The following DLG2 variants were observed in gnomAD, a reference collection of about 807,000 sequenced individuals.
The protein encoded by DLG2 is discs large MAGUK scaffold protein 2, also known as disks large homolog 2.
Under a neutral mutation model 132.5 loss-of-function variants are expected in DLG2, and 45 were observed. The observed-to-expected ratio is 0.34, with a 90% CI of 0.27 to 0.44. The LOEUF is 0.44. DLG2 is among the 20% of genes least tolerant of loss of function. The pLI is 1.00. For missense variants in DLG2, 1,045 were observed against 1,196.9 expected, an observed-to-expected ratio of 0.87 and a Z score of 1.87; for synonymous variants, 424 against 419.6, an observed-to-expected ratio of 1.01 and a Z score of -0.13.
At chr11:84,680,010 G>C (rs1236805069) in intron 6 of DLG2, among the ~76,000 whole-genome samples, 1 of 152,068 alleles carries the variant, frequency 6.6e-6, no homozygotes, top group Non-Finnish European at 1.5e-5. Flanking sequence ...AGCATAGTTT[G>C]GTCATCCAGT....
intron 7 of DLG2, among the ~76,000 whole-genome samples, chr11:84,469,373 T>G (rs1308698000): frequency 6.6e-6 from 1 of 151,578 alleles, no homozygotes; most frequent in Non-Finnish European, 1.5e-5. Flanking sequence ...AACATTAGGC[T>G]GATGGCACAG....
intron 7 of DLG2, among the ~76,000 whole-genome samples, chr11:84,482,891 T>G (rs1245875835): frequency 6.6e-6 from 1 of 152,140 alleles, no homozygotes; most frequent in East Asian, 1.9e-4. Context: ...ATTAAATGAG[T>G]AAATTCCTTC....
intron 6 of DLG2, among the ~76,000 whole-genome samples, chr11:84,748,805 A>G (rs1360197054): frequency 6.6e-6 from 1 of 152,170 alleles, no homozygotes; most frequent in Non-Finnish European, 1.5e-5. Context: ...TAAGAAGGCT[A>G]TGAGAGGTTA....
intron 9 of DLG2, among the ~76,000 whole-genome samples, chr11:84,134,620 A>C (rs1464317898): frequency 6.6e-6 from 1 of 151,914 alleles, no homozygotes; most frequent in Non-Finnish European, 1.5e-5. Context: ...AAAGATTTGA[A>C]GGTCTCTCCT....
chr11:84,917,829 C>A (rs1285951050), intron 6 of DLG2, among the ~76,000 whole-genome samples: 3 of 152,002 alleles, frequency 2.0e-5, no homozygotes, highest in Admixed American at 2.0e-4. Context: ...CCAAATGGCT[C>A]ACAACCATTT....
At chr11:85,204,673 A>C (rs1165736715) in intron 4 of DLG2, among the ~76,000 whole-genome samples, 1 of 151,946 alleles carries the variant, frequency 6.6e-6, no homozygotes, top group African/African-American at 2.4e-5. Context: ...TCACATAAAC[A>C]GAAAAAAAAA....
chr11:85,466,688 T>C (rs997713005), intron 3 of DLG2, among the ~76,000 whole-genome samples: 2 of 152,224 alleles, frequency 1.3e-5, no homozygotes, highest in African/African-American at 2.4e-5. Flanking sequence ...TTGGTACCAG[T>C]AGCATGCTGT....
At chr11:85,480,150 C>A (rs540136917) in intron 3 of DLG2, among the ~76,000 whole-genome samples, 1 of 152,248 alleles carries the variant, frequency 6.6e-6, no homozygotes, top group South Asian at 2.1e-4. Flanking sequence ...AAAGAAATCT[C>A]ATACTTTGCT....
chr11:84,205,918 T>C (rs1271380604), intron 8 of DLG2, among the ~76,000 whole-genome samples: 1 of 152,030 alleles, frequency 6.6e-6, no homozygotes, highest in Non-Finnish European at 1.5e-5. Context: ...TAAAAATCAA[T>C]GAAGTTGATA....
chr11:84,758,839 C>T (rs933806532), intron 6 of DLG2, among the ~76,000 whole-genome samples: 1 of 152,108 alleles, frequency 6.6e-6, no homozygotes, highest in African/African-American at 2.4e-5. Flanking sequence ...TACTTTTCTA[C>T]AAAATACACA....
intron 9 of DLG2, among the ~76,000 whole-genome samples, chr11:84,101,979 A>T (rs957397231): frequency 6.6e-6 from 1 of 152,162 alleles, no homozygotes; most frequent in Admixed American, 6.6e-5. Context: ...AATGAAGTGA[A>T]CTGCAGGCTC....
intron 18 of DLG2, among the ~76,000 whole-genome samples, chr11:83,692,738 G>A (rs985772496): frequency 1.3e-5 from 2 of 152,296 alleles, no homozygotes; most frequent in Admixed American, 1.3e-4. Context: ...TTGAGGCAGA[G>A]ACTATCTGGT....
At chr11:83,660,846 CCTT>C (rs1028068513) in intron 18 of DLG2, among the ~76,000 whole-genome samples, 11 of 152,082 alleles carry the variant, frequency 7.2e-5, no homozygotes, top group African/African-American at 2.4e-4. Flanking sequence ...TGGTCTCCCT[CCTT>C]CTGTCCCTCA....
intron 8 of DLG2, among the ~76,000 whole-genome samples, chr11:84,182,391 C>G (rs2096157019): frequency 6.6e-6 from 1 of 150,918 alleles, no homozygotes; most frequent in South Asian, 2.1e-4. Flanking sequence ...ATTAGGCAGT[C>G]ATGGTGGCTT....
chr11:85,464,952 T>C (rs947248013), intron 3 of DLG2, among the ~76,000 whole-genome samples: 5 of 151,126 alleles, frequency 3.3e-5, no homozygotes, highest in African/African-American at 4.9e-5. Flanking sequence ...CAGGAACTTG[T>C]AATCCCAGCT....
intron 21 of DLG2, among the ~76,000 whole-genome samples, chr11:83,492,480 C>G (rs1323937954): frequency 6.6e-6 from 1 of 151,986 alleles, no homozygotes; most frequent in Non-Finnish European, 1.5e-5. Flanking sequence ...TCCCAGAGTT[C>G]CAGACTCATA....
intron 6 of DLG2, among the ~76,000 whole-genome samples, chr11:85,067,146 T>G (rs2065047358): frequency 6.6e-6 from 1 of 151,912 alleles, no homozygotes; most frequent in South Asian, 2.1e-4. Context: ...GTGTTTATAG[T>G]ATTCTCTGAT....
chr11:85,087,856 A>C (rs972275719), intron 6 of DLG2, among the ~76,000 whole-genome samples: 16 of 148,176 alleles, frequency 1.1e-4, no homozygotes, highest in African/African-American at 2.9e-4. Flanking sequence ...AAAAAAAAAA[A>C]AAAAAAAAAA....
At chr11:83,474,175 T>C (rs947885712) in intron 22 of DLG2, among the ~76,000 whole-genome samples, 1 of 152,050 alleles carries the variant, frequency 6.6e-6, no homozygotes, top group Non-Finnish European at 1.5e-5. Context: ...CTCTGCCACA[T>C]TGGTCAGGGG....
Sources: gnomAD v4.1 joint callset for allele counts (sites outside exome capture counted in the v4.1 genomes callset) on GRCh38, gnomAD v4.1.1 for gene constraint, MANE v1.5 for transcripts, NCBI Gene and HGNC (gene_info 2026-07-23, HGNC 2026-07-21) for gene names.